TNNI3K: variants seen among roughly 807,000 people sequenced by gnomAD.
TNNI3K encodes the protein serine/threonine-protein kinase TNNI3K.
In TNNI3K, 140 loss-of-function variants were observed where a neutral mutation model predicts 114.5. The ratio of observed to expected loss-of-function variants is 1.22; its 90% CI spans 1.07 to 1.41. The LOEUF (loss-of-function observed/expected upper bound fraction) is 1.41. TNNI3K is among the 40% of genes most tolerant of loss of function. The pLI is 0.00. For synonymous variants in TNNI3K, 347 were observed against 347.5 expected (o/e 1.00, Z 0.02); for missense variants, 1,125 against 1,007.6 (o/e 1.12, Z -1.58).
rs1570689612 is a variant in TNNI3K at position 74,488,363 on chromosome 1, A to G, written c.2122-826A>G. 2.6e-5 allele frequency among the ~76,000 whole-genome samples: 4 copies of G among 152,300 alleles called. No homozygotes were observed. In the South Asian group the frequency reaches 8.3e-4, roughly 32 times the overall value. On this transcript the variant is annotated intron_variant, in intron 21 of 24. Transcript: ENST00000326637. ...GTTCTCAGGGGTGGGCTAGATAGTA[A>G]GGGAGAAATTGTTCTACTAAGAATC... is the stretch of plus-strand genomic sequence containing the variant.
At chr1:74,416,343 T>G in intron 17 of TNNI3K, 1 of 985,202 alleles carries the variant, frequency 1.0e-6, no homozygotes, top group Non-Finnish European at 1.2e-6. Context: ...CGGGCTACAC[T>G]AATGATGGAG....
intron 23 of TNNI3K, among the ~76,000 whole-genome samples, chr1:74,520,591 C>T (rs1178259173): frequency 1.3e-5 from 2 of 151,724 alleles, no homozygotes; most frequent in Non-Finnish European, 2.9e-5. Context: ...TGGCAAAACA[C>T]CAAAATTTTT....
At chr1:74,332,976 A>AAGAG (rs1553132589) in intron 6 of TNNI3K, among the ~76,000 whole-genome samples, 14,834 of 90,306 alleles carry the variant, frequency 0.16, 1,958 homozygotes, top group Middle Eastern at 0.19. Context: ...AAAAAAAAAA[A>AAGAG]AGAGAGAGAC....
Position 74,342,832 on chromosome 1 carries a change from C to A in TNNI3K, c.683-10C>A, listed in dbSNP as rs762878060. 1 of 1,613,038 alleles carries A rather than the reference C, an allele frequency of 6.2e-7. No homozygotes were observed. The highest frequency in any genetic ancestry group is 8.5e-7 in the Non-Finnish European group (1 of 1,179,628). ...AGATAACATATCTTTTTCTTTCTTGCTGATAACAGTGAATGCTCAAGATAA... is the reference window on the plus strand; with the variant it reads ...AGATAACATATCTTTTTCTTTCTTGATGATAACAGTGAATGCTCAAGATAA... On this transcript the variant is annotated splice_polypyrimidine_tract_variant and intron_variant, in intron 7 of 24. Transcript: ENST00000326637.
chr1:74,331,554 T>C lies in TNNI3K; in HGVS notation c.543+6T>C, dbSNP rs1455514716. 6.2e-7 allele frequency: 1 copy of C among 1,607,540 alleles called. No individual in the cohort carries two copies. Among genetic ancestry groups the C allele is most frequent in the Non-Finnish European group, 8.5e-7 (1 of 1,176,020 alleles). On this transcript the variant is annotated splice_donor_region_variant and intron_variant, in intron 6 of 24. Coordinates refer to ENST00000326637, the MANE Select transcript of TNNI3K (RefSeq NM_015978.3). Reference sequence around the variant, plus strand: ...CGTACTATGGACATGAACAGGTAAGTCTGACAGTAGGATTTCCAAAGGTTA... The same window carrying C: ...CGTACTATGGACATGAACAGGTAAGCCTGACAGTAGGATTTCCAAAGGTTA...
intron 2 of TNNI3K, among the ~76,000 whole-genome samples, chr1:74,244,928 T>C (rs894930462): frequency 6.6e-6 from 1 of 152,092 alleles, no homozygotes; most frequent in Non-Finnish European, 1.5e-5. Flanking sequence ...GTTGAAAATG[T>C]AGTAATATTA....
intron 17 of TNNI3K, among the ~76,000 whole-genome samples, chr1:74,404,308 C>G: frequency 6.6e-6 from 1 of 151,962 alleles, no homozygotes; most frequent in East Asian, 1.9e-4. Flanking sequence ...TTTTTTGTTT[C>G]TCTATCTATT....
intron 2 of TNNI3K, chr1:74,240,235 T>TA: frequency 5.2e-6 from 1 of 190,784 alleles, no homozygotes. Context: ...ACTTAGGGCT[T>TA]ACCATATGCC....
chr1:74,336,120 T>G lies in TNNI3K; in HGVS notation c.653T>G (p.Leu218Arg). 6.2e-7 allele frequency: 1 copy of G among 1,603,660 alleles called. No homozygotes were observed. Among genetic ancestry groups the G allele is most frequent in the Non-Finnish European group, 8.5e-7 (1 of 1,177,198 alleles). The change falls in exon 7 of 25, where the codon CTC becomes CGC. Residue 218 changes from leucine to arginine, a missense_variant. Transcript: ENST00000326637. ...AAAGGATTCTTGAATATTGCAAAAC[T>G]CTTGATGGAAGAAGGCAGCAAAGCA... is the stretch of plus-strand genomic sequence containing the variant. ...SAKGFLNIAKLLMEEGSKADV... is the reference protein window; with the variant it reads ...SAKGFLNIAKRLMEEGSKADV...
intron 21 of TNNI3K, among the ~76,000 whole-genome samples, chr1:74,474,369 AACTGG>A (rs375034690): frequency 8.3e-4 from 127 of 152,272 alleles, no homozygotes; most frequent in African/African-American, 2.9e-3. Flanking sequence ...CACTGGTAAG[AACTGG>A]AGTGTGGGAA....
intron 17 of TNNI3K, among the ~76,000 whole-genome samples, chr1:74,395,018 TG>T (rs202017099): frequency 0.026 from 3,858 of 148,070 alleles, 113 homozygotes; most frequent in African/African-American, 0.08. Context: ...CACTCCAGCC[TG>T]GGCGACAGAG....
chr1:74,426,837 T>C (rs1455922704), intron 17 of TNNI3K, among the ~76,000 whole-genome samples: 1 of 152,050 alleles, frequency 6.6e-6, no homozygotes, highest in Non-Finnish European at 1.5e-5. Flanking sequence ...AGATGCCCTG[T>C]AGTTAGTGCC....
At chr1:74,336,456 C>T (rs1330866769) in intron 7 of TNNI3K, among the ~76,000 whole-genome samples, 6 of 151,858 alleles carry the variant, frequency 4.0e-5, no homozygotes, top group African/African-American at 7.3e-5. Flanking sequence ...CCCACTAACT[C>T]GTCATCTAGC....
At chr1:74,236,479 CT>C (rs952453054) in intron 2 of TNNI3K, among the ~76,000 whole-genome samples, 3 of 151,744 alleles carry the variant, frequency 2.0e-5, no homozygotes, top group African/African-American at 7.3e-5. Context: ...TGAATGCAAG[CT>C]ATTGTTGATC....
intron 6 of TNNI3K, among the ~76,000 whole-genome samples, chr1:74,334,010 C>T (rs901752845): frequency 6.6e-6 from 1 of 152,180 alleles, no homozygotes; most frequent in East Asian, 1.9e-4. Context: ...TGCACATGCT[C>T]CAAGTTGGGG....
chr1:74,463,324 A>G (rs768863623), intron 20 of TNNI3K, 117 bp from the exon 21 acceptor site: 15 of 1,061,692 alleles, frequency 1.4e-5, no homozygotes, highest in Non-Finnish European at 2.0e-5. Context: ...GTCTCTTTGA[A>G]TGTCTGCTGA....
chr1:74,348,923 A>G (rs942287829), intron 9 of TNNI3K, among the ~76,000 whole-genome samples: 15 of 152,200 alleles, frequency 9.9e-5, no homozygotes, highest in Non-Finnish European at 1.6e-4. Flanking sequence ...TTCTAGATAT[A>G]CAATCATGTC....
At chr1:74,383,967 T>A (rs1663339243) in intron 17 of TNNI3K, among the ~76,000 whole-genome samples, 1 of 151,840 alleles carries the variant, frequency 6.6e-6, no homozygotes, top group Admixed American at 6.6e-5. Context: ...GATAGTTAGG[T>A]AATCCAAAAT....
At chr1:74,275,347 C>T (rs1361102882) in intron 5 of TNNI3K, among the ~76,000 whole-genome samples, 4 of 152,022 alleles carry the variant, frequency 2.6e-5, no homozygotes, top group Non-Finnish European at 5.9e-5. Flanking sequence ...GATCAAACCA[C>T]CAGATTTCCT....
Sources: gnomAD v4.1 joint callset for allele counts (sites outside exome capture counted in the v4.1 genomes callset) on GRCh38, gnomAD v4.1.1 for gene constraint, MANE v1.5 for transcripts, NCBI Gene and HGNC (gene_info 2026-07-23, HGNC 2026-07-21) for gene names.